The following CNTNAP2 variants were observed in gnomAD, a reference collection of about 807,000 sequenced individuals.
CNTNAP2 encodes contactin-associated protein-like 2.
CNTNAP2 carries 98 observed loss-of-function variants against 155.2 expected under a neutral mutation model. That is an observed-to-expected ratio of 0.63 (90% confidence interval 0.54 to 0.75). The LOEUF is 0.75. Ranked by LOEUF, CNTNAP2 falls within the 30% of genes least tolerant of loss-of-function variation. The probability of loss-of-function intolerance (pLI) is 0.00; values close to 1 mark genes in which losing one functional copy is unlikely to be tolerated. For synonymous variants in CNTNAP2, 651 were observed against 631.2 expected, an observed-to-expected ratio of 1.03 and a Z score of -0.47; for missense variants, 1,727 against 1,688.1, an observed-to-expected ratio of 1.02 and a Z score of -0.40.
intron 21 of CNTNAP2, among the ~76,000 whole-genome samples, chr7:148,343,922 T>C (rs1798276937): frequency 6.6e-6 from 1 of 152,204 alleles, no homozygotes; most frequent in Admixed American, 6.5e-5. Flanking sequence ...AGATTCGTAA[T>C]TCAGTGTTGC....
intron 8 of CNTNAP2, among the ~76,000 whole-genome samples, chr7:147,159,526 A>G (rs1351031817): frequency 6.6e-6 from 1 of 152,022 alleles, no homozygotes; most frequent in Non-Finnish European, 1.5e-5. Context: ...CATATAACCA[A>G]CTCTATTCAT....
At chr7:146,488,547 T>G (rs552892589) in intron 1 of CNTNAP2, among the ~76,000 whole-genome samples, 31 of 152,124 alleles carry the variant, frequency 2.0e-4, no homozygotes, top group African/African-American at 6.5e-4. Context: ...TCCTCCTACC[T>G]TCCTTCTCTT....
At position 146,839,881 on chromosome 7, in the gene CNTNAP2, T is replaced by A. The variant is rs1489546987; in HGVS notation, c.379T>A (p.Tyr127Asn). 1 of 1,614,132 alleles carries A rather than the reference T, an allele frequency of 6.2e-7. No individual in the cohort carries two copies. The highest frequency in any genetic ancestry group is 1.1e-5 in the South Asian group (1 of 91,074). The part of the protein sequence containing the change: ...YSDTGRNWKP[Y>N]HQDGNIWAFP... ...CGACACAGGGAGAAACTGGAAACCC[T>A]ATCATCAAGATGGGAATATCTGGGT... Residue 127 changes from tyrosine (Y) to asparagine (N), a missense_variant, in exon 3 of 24, where the codon TAT becomes AAT. Transcript: ENST00000361727.
At chr7:148,193,778 C>T (rs917229929) in intron 18 of CNTNAP2, among the ~76,000 whole-genome samples, 1 of 152,022 alleles carries the variant, frequency 6.6e-6, no homozygotes, top group Non-Finnish European at 1.5e-5. Context: ...TAGGCCCAGC[C>T]TCATTTCCTG....
At chr7:146,870,265 A>T (rs879345747) in intron 3 of CNTNAP2, among the ~76,000 whole-genome samples, 14 of 150,254 alleles carry the variant, frequency 9.3e-5, no homozygotes, top group Non-Finnish European at 1.8e-4. Context: ...TTTGGAGCTC[A>T]TTATTGGTCT....
At chr7:146,660,680 A>C (rs1340162121) in intron 1 of CNTNAP2, among the ~76,000 whole-genome samples, 1 of 152,172 alleles carries the variant, frequency 6.6e-6, no homozygotes, top group African/African-American at 2.4e-5. Context: ...ATGGTTAGAA[A>C]CGCTTTATAT....
intron 12 of CNTNAP2, among the ~76,000 whole-genome samples, chr7:147,606,483 T>C (rs1054672260): frequency 6.6e-6 from 1 of 152,232 alleles, no homozygotes; most frequent in African/African-American, 2.4e-5. Context: ...AAACTATCTA[T>C]GTCTATTTGG....
intron 11 of CNTNAP2, among the ~76,000 whole-genome samples, chr7:147,547,054 C>A (rs1437971557): frequency 6.6e-6 from 1 of 152,016 alleles, no homozygotes; most frequent in Non-Finnish European, 1.5e-5. Flanking sequence ...AGAGGTGGGG[C>A]CAAAAGGATA....
intron 21 of CNTNAP2, among the ~76,000 whole-genome samples, chr7:148,300,942 G>A (rs1477223901): frequency 6.6e-6 from 1 of 152,136 alleles, no homozygotes; most frequent in Non-Finnish European, 1.5e-5. Flanking sequence ...GAGATGGGTG[G>A]TGGTGATGGT....
At chr7:146,588,006 ATGTGTGTGTGTGTG>A (rs370352120) in intron 1 of CNTNAP2, among the ~76,000 whole-genome samples, 1 of 148,822 alleles carries the variant, frequency 6.7e-6, no homozygotes, top group Non-Finnish European at 1.5e-5. Context: ...CCGTGTGTGT[ATGTGTGTGTGTGTG>A]TGTGTGTGTG....
intron 3 of CNTNAP2, among the ~76,000 whole-genome samples, chr7:146,937,351 C>A (rs1215045911): frequency 6.7e-4 from 90 of 134,754 alleles, no homozygotes; most frequent in Non-Finnish European, 6.5e-4. Flanking sequence ...ACTCTTGTCT[C>A]AAAAAAAAAA....
intron 1 of CNTNAP2, among the ~76,000 whole-genome samples, chr7:146,162,223 G>A (rs1342490694): frequency 4.6e-5 from 7 of 152,094 alleles, no homozygotes; most frequent in Admixed American, 4.6e-4. Flanking sequence ...GAGTGAACAG[G>A]CAAGCTACAG....
rs1193910514 is a variant in CNTNAP2 at position 147,772,491 on chromosome 7, C to CAAAAA, written c.2099-131068_2099-131064dup. ...ATATATATATATATATATACACACA[C>CAAAAA]AAAAAAAAAACCACAAAAGAGGTGA... On this transcript the variant is annotated intron_variant, in intron 13 of 23. Coordinates refer to ENST00000361727, the MANE Select transcript of CNTNAP2 (RefSeq NM_014141.6). Among the ~76,000 whole-genome samples the CAAAAA allele has an allele frequency of 3.8e-5, 4 of 105,678 alleles. 1 individual carries two copies. Among genetic ancestry groups the CAAAAA allele is most frequent in the African/African-American group, 1.5e-4 (4 of 26,474 alleles). 69.3% of individuals were successfully genotyped at this position (105,678 alleles called of 152,430 possible).
intron 8 of CNTNAP2, among the ~76,000 whole-genome samples, chr7:147,176,864 A>G (rs1402153682): frequency 8.5e-6 from 1 of 117,808 alleles, no homozygotes; most frequent in African/African-American, 4.3e-5. Context: ...AATAGATATT[A>G]TAGAATAATT....
chr7:147,597,896 G>A (rs575974402), intron 12 of CNTNAP2, among the ~76,000 whole-genome samples: 4 of 152,254 alleles, frequency 2.6e-5, no homozygotes, highest in South Asian at 2.1e-4. Flanking sequence ...CAGTCAATTC[G>A]CACCCTTTAG....
intron 14 of CNTNAP2, among the ~76,000 whole-genome samples, chr7:147,935,339 A>G (rs1281901169): frequency 1.3e-5 from 2 of 152,086 alleles, no homozygotes; most frequent in African/African-American, 4.8e-5. Flanking sequence ...GTTGGCCAGA[A>G]TGGTCTTGAT....
intron 13 of CNTNAP2, among the ~76,000 whole-genome samples, chr7:147,817,617 A>C (rs1249210832): frequency 6.6e-6 from 1 of 152,126 alleles, no homozygotes; most frequent in Non-Finnish European, 1.5e-5. Flanking sequence ...AAAAAATAGC[A>C]AAGAAGGCCG....
chr7:147,603,037 T>C (rs1800985516), intron 12 of CNTNAP2, among the ~76,000 whole-genome samples: 1 of 151,978 alleles, frequency 6.6e-6, no homozygotes, highest in East Asian at 1.9e-4. Flanking sequence ...TATTTCTAGT[T>C]CTAGATCCCT....
At chr7:146,322,972 A>G (rs1801032376) in intron 1 of CNTNAP2, among the ~76,000 whole-genome samples, 2 of 152,052 alleles carry the variant, frequency 1.3e-5, no homozygotes, top group South Asian at 4.1e-4. Flanking sequence ...TTCAGATAAT[A>G]TAGCATCATC....
Sources: gnomAD v4.1 joint callset for allele counts (sites outside exome capture counted in the v4.1 genomes callset) on GRCh38, gnomAD v4.1.1 for gene constraint, MANE v1.5 for transcripts, NCBI Gene and HGNC (gene_info 2026-07-23, HGNC 2026-07-21) for gene names.